The following ITPR2 variants were observed in gnomAD, a reference collection of about 807,000 sequenced individuals.
ITPR2 encodes the protein inositol 1,4,5-trisphosphate receptor type 2, also known as inositol 1,4,5-trisphosphate-gated calcium channel ITPR2.
A neutral mutation model predicts 317.1 loss-of-function variants in ITPR2; 207 were observed. That is an observed-to-expected ratio of 0.65 (90% confidence interval 0.58 to 0.73). ITPR2 has a LOEUF of 0.73. Ranked by LOEUF, ITPR2 falls within the 30% of genes least tolerant of loss-of-function variation. ITPR2 has a pLI of 0.00. For missense variants in ITPR2, 2,613 were observed against 3,284.0 expected, an observed-to-expected ratio of 0.80 and a Z score of 4.99; for synonymous variants, 1,156 against 1,149.1, an observed-to-expected ratio of 1.01 and a Z score of -0.12.
rs185843275 is a variant in ITPR2 at position 26,549,705 on chromosome 12, T to C, written c.5073+542A>G. 1.7e-3 allele frequency among the ~76,000 whole-genome samples: 255 copies of C among 152,214 alleles called. 4 individuals carry two copies. Among genetic ancestry groups the C allele is most frequent in the African/African-American group, 6.0e-3 (249 of 41,572 alleles). On this transcript the variant is annotated intron_variant, in intron 37 of 56. Coordinates refer to ENST00000381340, the MANE Select transcript of ITPR2 (RefSeq NM_002223.4). ...TTTAATAACAGACTGACAATTATTA[T>C]CTATAGGTTGATATTTCCCTGAAAA... is the stretch of plus-strand genomic sequence containing the variant.
At chr12:26,809,152 T>C (rs1950689728) in intron 1 of ITPR2, among the ~76,000 whole-genome samples, 1 of 152,198 alleles carries the variant, frequency 6.6e-6, no homozygotes, top group African/African-American at 2.4e-5. Flanking sequence ...GATTCCTCTC[T>C]GGTTAAAAGG....
intron 37 of ITPR2, among the ~76,000 whole-genome samples, chr12:26,514,521 G>A (rs898873198): frequency 1.3e-5 from 2 of 152,116 alleles, no homozygotes; most frequent in African/African-American, 4.8e-5. Flanking sequence ...CTGTTGCCTT[G>A]GCACGTGCTA....
Position 26,722,384 on chromosome 12 carries a change from G to A in ITPR2, c.525+13C>T. On this transcript the variant is annotated intron_variant, in intron 5 of 56. Coordinates refer to ENST00000381340, the MANE Select transcript of ITPR2 (RefSeq NM_002223.4). ...TGAACCCACTATTTCCCTCTTAATTGTATATTACATACATTGTCACCCTCG... is the reference window on the plus strand; with the variant it reads ...TGAACCCACTATTTCCCTCTTAATTATATATTACATACATTGTCACCCTCG... 6.3e-7 allele frequency: 1 copy of A among 1,596,268 alleles called. No individual in the cohort carries two copies. The highest frequency in any genetic ancestry group is 8.5e-7 in the Non-Finnish European group (1 of 1,170,856).
At chr12:26,345,919 C>A (rs1009448011) in intron 55 of ITPR2, among the ~76,000 whole-genome samples, 6 of 152,184 alleles carry the variant, frequency 3.9e-5, no homozygotes, top group Non-Finnish European at 7.3e-5. Flanking sequence ...CTCATGCATG[C>A]TATGTACATC....
At chr12:26,355,566 A>G (rs1436841946) in intron 55 of ITPR2, among the ~76,000 whole-genome samples, 1 of 152,224 alleles carries the variant, frequency 6.6e-6, no homozygotes, top group East Asian at 1.9e-4. Flanking sequence ...AATGCCTATA[A>G]CAATGGGTTT....
At chr12:26,358,501 C>G (rs1565486945) in intron 55 of ITPR2, among the ~76,000 whole-genome samples, 1 of 151,992 alleles carries the variant, frequency 6.6e-6, no homozygotes, top group African/African-American at 2.4e-5. Context: ...CATACATTCT[C>G]TCTTTATTTC....
At chr12:26,627,025 T>C (rs1214818733) in intron 23 of ITPR2, among the ~76,000 whole-genome samples, 3 of 152,232 alleles carry the variant, frequency 2.0e-5, no homozygotes. Context: ...ATTTTTACAA[T>C]CATAACTGTG....
intron 46 of ITPR2, among the ~76,000 whole-genome samples, chr12:26,442,733 G>T (rs868164877): frequency 1.3e-5 from 2 of 152,104 alleles, no homozygotes; most frequent in East Asian, 1.9e-4. Context: ...TGACACAAAG[G>T]TTTGACAATA....
chr12:26,434,621 G>A (rs1264319529), intron 48 of ITPR2, among the ~76,000 whole-genome samples: 1 of 152,118 alleles, frequency 6.6e-6, no homozygotes, highest in Non-Finnish European at 1.5e-5. Flanking sequence ...TCTTGTTATT[G>A]ACATGCTTCC....
At chr12:26,540,454 T>A (rs939371416) in intron 37 of ITPR2, among the ~76,000 whole-genome samples, 4 of 152,222 alleles carry the variant, frequency 2.6e-5, no homozygotes, top group Non-Finnish European at 4.4e-5. Context: ...TCCTTTTTTT[T>A]CTTTTAATGC....
rs373452445 is a variant in ITPR2, at chr12:26,655,871, G to C, written c.2445-19C>G. 7 of 1,597,310 alleles carry C rather than the reference G, an allele frequency of 4.4e-6. No homozygotes were observed. The highest frequency in any genetic ancestry group is 6.0e-6 in the Non-Finnish European group (7 of 1,171,858). ...ATCATATCTGGAAATAGAGAAAGAA[G>C]ATAACGCAAGTTAAACTGATTGCAA... On this transcript the variant is annotated intron_variant, in intron 19 of 56. Transcript: ENST00000381340.
chr12:26,409,471 A>G (rs1020531934), intron 52 of ITPR2, among the ~76,000 whole-genome samples: 11 of 152,236 alleles, frequency 7.2e-5, no homozygotes, highest in African/African-American at 2.4e-4. Flanking sequence ...TTAGCACTGC[A>G]TTGCTGTCCT....
chr12:26,685,254 C>A (rs1391396438), intron 11 of ITPR2, among the ~76,000 whole-genome samples: 2 of 152,118 alleles, frequency 1.3e-5, no homozygotes, highest in Non-Finnish European at 2.9e-5. Flanking sequence ...GCATCATAGC[C>A]TTATGGTTGA....
intron 2 of ITPR2, among the ~76,000 whole-genome samples, chr12:26,773,479 T>C (rs1949907033): frequency 6.6e-6 from 1 of 152,180 alleles, no homozygotes; most frequent in Non-Finnish European, 1.5e-5. Context: ...TGGAGAGCTG[T>C]TCTTACCCCA....
intron 19 of ITPR2, 133 bp downstream of exon 19, chr12:26,656,164 G>T: frequency 8.8e-7 from 1 of 1,138,508 alleles, no homozygotes; most frequent in Non-Finnish European, 1.3e-6. Flanking sequence ...TATCTTATTT[G>T]CATTTAGAAG....
intron 40 of ITPR2, 122 bp from the exon 41 acceptor site, chr12:26,486,482 T>A (rs1591822485): frequency 2.3e-6 from 2 of 851,852 alleles, no homozygotes; most frequent in South Asian, 3.8e-5. Flanking sequence ...TGACAAAAGG[T>A]GCAACAATTT....
intron 34 of ITPR2, among the ~76,000 whole-genome samples, chr12:26,572,272 C>T (rs1052375451): frequency 6.6e-6 from 1 of 152,162 alleles, no homozygotes; most frequent in Non-Finnish European, 1.5e-5. Flanking sequence ...GCCTCCTGCA[C>T]TAGGCCCCAG....
rs1468004965 is a variant in ITPR2 at position 26,670,710 on chromosome 12, T to C, written c.1410-4659A>G. On this transcript the variant is annotated intron_variant, in intron 13 of 56. Coordinates refer to ENST00000381340, the MANE Select transcript of ITPR2 (RefSeq NM_002223.4). ...ACAAAGCTGGACGGATAATGACTTT[T>C]ACGAGTTGAGAGAAGAAGGCTTCAG... Among the ~76,000 whole-genome samples the C allele has an allele frequency of 2.0e-5, 3 of 152,212 alleles. No individual in the cohort carries two copies. The South Asian group carries it at 6.2e-4, about 32-fold the overall frequency.
intron 26 of ITPR2, among the ~76,000 whole-genome samples, chr12:26,607,745 G>A (rs544367837): frequency 1.3e-5 from 2 of 152,156 alleles, no homozygotes; most frequent in South Asian, 2.1e-4. Flanking sequence ...ATCCATAACC[G>A]TACCCCAAAC....
Sources: gnomAD v4.1 joint callset for allele counts (sites outside exome capture counted in the v4.1 genomes callset) on GRCh38, gnomAD v4.1.1 for gene constraint, MANE v1.5 for transcripts, NCBI Gene and HGNC (gene_info 2026-07-23, HGNC 2026-07-21) for gene names.